The following CDC123 variants were observed in gnomAD, a reference collection of about 807,000 sequenced individuals.
CDC123 encodes translation initiation factor eIF2 assembly protein.
Under a neutral mutation model 54.4 loss-of-function variants are expected in CDC123, and 37 were observed. That is an observed-to-expected ratio of 0.68 (90% CI 0.52 to 0.89). The LOEUF is 0.89. CDC123 is among the 40% of genes least tolerant of loss of function. The probability of loss-of-function intolerance (pLI) is 0.00; values close to 1 mark genes in which losing one functional copy is unlikely to be tolerated. For synonymous variants in CDC123, 144 were observed against 136.8 expected (o/e 1.05, Z -0.37); for missense variants, 361 against 412.1 (o/e 0.88, Z 1.07).
intron 10 of CDC123, among the ~76,000 whole-genome samples, chr10:12,242,555 T>C (rs1836073076): frequency 6.6e-6 from 1 of 152,182 alleles, no homozygotes; most frequent in African/African-American, 2.4e-5. Flanking sequence ...AGTCAGCTGG[T>C]ACAAGGACAG....
chr10:12,232,180 G>A (rs886325758), intron 7 of CDC123, among the ~76,000 whole-genome samples: 4 of 151,926 alleles, frequency 2.6e-5, no homozygotes, highest in Admixed American at 2.6e-4. Context: ...TTTCAACTCC[G>A]ATTCCTGGTC....
intron 10 of CDC123, among the ~76,000 whole-genome samples, chr10:12,243,710 G>A (rs369807238): frequency 5.3e-5 from 8 of 151,948 alleles, no homozygotes; most frequent in African/African-American, 1.9e-4. Flanking sequence ...CTTGAACTCG[G>A]GAGGCGGAGG....
At chr10:12,235,830 A>G (rs1380715348) in intron 8 of CDC123, among the ~76,000 whole-genome samples, 6 of 152,206 alleles carry the variant, frequency 3.9e-5, no homozygotes, top group Admixed American at 3.9e-4. Flanking sequence ...TTCTTGAAGA[A>G]GCTGCAGTGT....
At chr10:12,228,117 T>A (rs962725766) in intron 6 of CDC123, among the ~76,000 whole-genome samples, 2 of 151,862 alleles carry the variant, frequency 1.3e-5, no homozygotes, top group Admixed American at 6.6e-5. Flanking sequence ...ATATTTTTTT[T>A]AGAGGCGGGA....
At chr10:12,205,121 A>G (rs185939583) in intron 2 of CDC123, among the ~76,000 whole-genome samples, 1 of 151,724 alleles carries the variant, frequency 6.6e-6, no homozygotes, top group East Asian at 1.9e-4. Context: ...TACTCTCTAT[A>G]TCCATGAGTT....
intron 2 of CDC123, among the ~76,000 whole-genome samples, chr10:12,207,291 A>C (rs987864827): frequency 1.3e-5 from 2 of 152,056 alleles, no homozygotes; most frequent in Non-Finnish European, 2.9e-5. Context: ...AATTTCAACT[A>C]TCATGTTTTC....
At chr10:12,206,191 A>G (rs1033783050) in intron 2 of CDC123, among the ~76,000 whole-genome samples, 2 of 152,372 alleles carry the variant, frequency 1.3e-5, no homozygotes, top group African/African-American at 2.4e-5. Flanking sequence ...CTGAAGAACT[A>G]TATGAATACC....
intron 10 of CDC123, among the ~76,000 whole-genome samples, chr10:12,238,997 A>G (rs1373338913): frequency 6.7e-6 from 1 of 149,536 alleles, no homozygotes; most frequent in Admixed American, 6.7e-5. Flanking sequence ...CTCAAAAGAG[A>G]AAAAAAAAAT....
intron 4 of CDC123, among the ~76,000 whole-genome samples, chr10:12,213,627 T>C (rs537027929): frequency 6.6e-6 from 1 of 152,224 alleles, no homozygotes; most frequent in African/African-American, 2.4e-5. Context: ...AAGATCTGTA[T>C]TGTGTCAGTG....
intron 10 of CDC123, among the ~76,000 whole-genome samples, chr10:12,243,723 G>A (rs1050745597): frequency 2.6e-5 from 4 of 151,470 alleles, no homozygotes; most frequent in African/African-American, 9.7e-5. Context: ...GGCGGAGGTT[G>A]TAGTGAGCAG....
At position 12,237,161 on chromosome 10, in the gene CDC123, T is replaced by C. The variant is rs754878568; in HGVS notation, c.583T>C (p.Tyr195His). ...CTTGTCAGGTATTTCTCAAAGAGACTACACACAATACTATGATCATATTTC... is the reference window on the plus strand; with the variant it reads ...CTTGTCAGGTATTTCTCAAAGAGACCACACACAATACTATGATCATATTTC... Reference protein sequence around the residue: ...NKLIGISQRDYTQYYDHISKQ... With the variant: ...NKLIGISQRDHTQYYDHISKQ... The change falls in exon 9 of 13, where the codon TAC becomes CAC. Residue 195 changes from tyrosine to histidine, a missense_variant. Tyr to His is a moderately conservative substitution (Grantham distance 83, BLOSUM62 2). Transcript: ENST00000281141. The C allele has an allele frequency of 2.8e-5, 44 of 1,550,892 alleles. No individual in the cohort carries two copies. The highest frequency in any genetic ancestry group is 3.8e-5 in the Non-Finnish European group (44 of 1,157,358).
rs1554805191 is a variant in CDC123, at chr10:12,200,120, A to AATTTTTTTTTTTTTT, written c.146+1344_146+1345insATTTTTTTTTTTTTT. Among the ~76,000 whole-genome samples, 2 of 59,356 alleles carry AATTTTTTTTTTTTTT rather than the reference A, an allele frequency of 3.4e-5. 1 individual carries two copies. The highest frequency in any genetic ancestry group is 1.6e-3 in the East Asian group (2 of 1,256). The allele number at this position is 59,356 out of a possible 152,430, so 38.9% of individuals were successfully genotyped here. On this transcript the variant is annotated intron_variant, in intron 2 of 12. Coordinates refer to ENST00000281141, the MANE Select transcript of CDC123 (RefSeq NM_006023.3). ...ATAGGCCTGAGCCACCGCACTCGGC[A>AATTTTTTTTTTTTTT]TTTTTTTTTTTTTTTTTTTTTTTAA...
chr10:12,241,216 A>T (rs1836053289), intron 10 of CDC123, among the ~76,000 whole-genome samples: 1 of 152,076 alleles, frequency 6.6e-6, no homozygotes, highest in South Asian at 2.1e-4. Flanking sequence ...GTTTCTGTGA[A>T]CCATTGCTTC....
Position 12,249,563 on chromosome 10 carries a change from T to G in CDC123, c.847-18T>G. ...AATAAATGATTGATATTCTTTCTCC[T>G]TTTTCTTCTTTGTACAGGATTCCCC... On this transcript the variant is annotated intron_variant, in intron 11 of 12. Coordinates refer to ENST00000281141, the MANE Select transcript of CDC123 (RefSeq NM_006023.3). 1 of 1,601,028 alleles carries G rather than the reference T, an allele frequency of 6.2e-7. No homozygotes were observed. The highest frequency in any genetic ancestry group is 2.2e-5 in the East Asian group (1 of 44,814).
chr10:12,207,937 C>T (rs1480374180), intron 2 of CDC123, among the ~76,000 whole-genome samples: 2 of 152,202 alleles, frequency 1.3e-5, no homozygotes, highest in Non-Finnish European at 2.9e-5. Context: ...TCGCTGCTCC[C>T]TGGATGGACT....
intron 10 of CDC123, among the ~76,000 whole-genome samples, chr10:12,241,589 C>T (rs1340746783): frequency 6.6e-6 from 1 of 152,118 alleles, no homozygotes; most frequent in Non-Finnish European, 1.5e-5. Flanking sequence ...GGCTTTAATG[C>T]CTGTTGCGTT....
At chr10:12,222,239 A>G (rs1835746499) in intron 6 of CDC123, among the ~76,000 whole-genome samples, 1 of 152,248 alleles carries the variant, frequency 6.6e-6, no homozygotes, top group Admixed American at 6.5e-5. Context: ...CTCCCTGCCT[A>G]TAATGTACTC....
chr10:12,203,328 C>G (rs990833970), intron 2 of CDC123, among the ~76,000 whole-genome samples: 1 of 152,196 alleles, frequency 6.6e-6, no homozygotes, highest in Non-Finnish European at 1.5e-5. Flanking sequence ...AGCACATAGT[C>G]TGGGTTCAAT....
chr10:12,226,523 C>T (rs1271177761), intron 6 of CDC123, among the ~76,000 whole-genome samples: 1 of 151,476 alleles, frequency 6.6e-6, no homozygotes, highest in East Asian at 1.9e-4. Context: ...CAGAGAGGCT[C>T]CTCACCTCCC....
Sources: allele counts gnomAD v4.1 joint callset (sites outside exome capture counted in the v4.1 genomes callset), GRCh38; gene constraint gnomAD v4.1.1; transcripts MANE v1.5; gene names NCBI Gene and HGNC (gene_info 2026-07-23, HGNC 2026-07-21).